Variants in PPFIA2 observed in about 807,000 individuals in gnomAD.
The protein encoded by PPFIA2 is liprin-alpha-2.
In PPFIA2, 46 loss-of-function variants were observed where a neutral mutation model predicts 175.5. The observed-to-expected ratio is 0.26, with a 90% CI of 0.21 to 0.34. The LOEUF is 0.34. PPFIA2 is among the 10% of genes least tolerant of loss of function. PPFIA2 has a pLI of 1.00. For missense variants in PPFIA2, 1,179 were observed against 1,506.1 expected (o/e 0.78, Z 3.60); for synonymous variants, 568 against 511.4 (o/e 1.11, Z -1.49).
chr12:81,359,215 G>T (rs1259917766), intron 15 of PPFIA2, among the ~76,000 whole-genome samples: 1 of 151,956 alleles, frequency 6.6e-6, no homozygotes, highest in African/African-American at 2.4e-5. Flanking sequence ...TTATTCTTGT[G>T]AACAAAGACA....
At chr12:81,591,797 A>G (rs2058706626) in intron 4 of PPFIA2, among the ~76,000 whole-genome samples, 1 of 152,218 alleles carries the variant, frequency 6.6e-6, no homozygotes, top group African/African-American at 2.4e-5. Context: ...ATGCCCAGGC[A>G]GAAGTTTTCT....
At chr12:81,429,850 TG>T (rs1355504842) in intron 7 of PPFIA2, among the ~76,000 whole-genome samples, 3 of 152,088 alleles carry the variant, frequency 2.0e-5, no homozygotes, top group Admixed American at 1.3e-4. Context: ...TTTAATTTGC[TG>T]GGGTAACTTA....
At chr12:81,437,276 C>T (rs1307517700) in intron 7 of PPFIA2, among the ~76,000 whole-genome samples, 2 of 152,180 alleles carry the variant, frequency 1.3e-5, no homozygotes, top group African/African-American at 4.8e-5. Flanking sequence ...GTTGCCTAGG[C>T]TGGAGTGCAG....
chr12:81,351,361 C>T (rs1043681017), intron 17 of PPFIA2, among the ~76,000 whole-genome samples: 3 of 151,656 alleles, frequency 2.0e-5, no homozygotes, highest in Admixed American at 2.0e-4. Context: ...AATTTGGTCC[C>T]CATTTACTTA....
intron 6 of PPFIA2, among the ~76,000 whole-genome samples, chr12:81,443,851 T>G (rs1185972555): frequency 8.1e-6 from 1 of 122,710 alleles, no homozygotes; most frequent in Non-Finnish European, 1.8e-5. Flanking sequence ...CTTTCTTTTT[T>G]TTTTTTTTTT....
At chr12:81,741,876 G>A (rs1201072364) in intron 3 of PPFIA2, among the ~76,000 whole-genome samples, 1 of 152,166 alleles carries the variant, frequency 6.6e-6, no homozygotes, top group Non-Finnish European at 1.5e-5. Context: ...GAGAGGTTGG[G>A]TGTATGAGGA....
chr12:81,414,849 C>T (rs930272854), intron 7 of PPFIA2, among the ~76,000 whole-genome samples: 2 of 151,290 alleles, frequency 1.3e-5, no homozygotes, highest in African/African-American at 4.8e-5. Flanking sequence ...GCATTTGTAT[C>T]GCTATTTATT....
At chr12:81,569,256 A>T (rs2071994330) in intron 4 of PPFIA2, among the ~76,000 whole-genome samples, 2 of 152,160 alleles carry the variant, frequency 1.3e-5, no homozygotes, top group Admixed American at 1.3e-4. Context: ...ACCTAGCATT[A>T]GATTTCTTAC....
intron 28 of PPFIA2, among the ~76,000 whole-genome samples, chr12:81,274,398 A>G (rs1016863722): frequency 1.3e-5 from 2 of 152,214 alleles, no homozygotes; most frequent in Non-Finnish European, 2.9e-5. Flanking sequence ...GTGCCCATCA[A>G]AAATTCCATC....
chr12:81,646,039 T>C (rs1167031363), intron 4 of PPFIA2, among the ~76,000 whole-genome samples: 1 of 152,110 alleles, frequency 6.6e-6, no homozygotes, highest in African/African-American at 2.4e-5. Context: ...CAGGCAAAGA[T>C]TGGCTGCACT....
chr12:81,501,491 T>TA (rs1255386527), intron 4 of PPFIA2, among the ~76,000 whole-genome samples: 1 of 152,170 alleles, frequency 6.6e-6, no homozygotes, highest in East Asian at 1.9e-4. Context: ...AGCTCCATGA[T>TA]ACAGGCACTT....
rs568367911 is a variant in PPFIA2, at chr12:81,637,615, T to C, written c.303+39176A>G. 4.0e-3 allele frequency among the ~76,000 whole-genome samples: 608 copies of C among 152,226 alleles called. 3 individuals are homozygous for C. The highest frequency in any genetic ancestry group is 0.014 in the African/African-American group (573 of 41,508). On this transcript the variant is annotated intron_variant, in intron 4 of 32. Coordinates refer to ENST00000549396, the MANE Select transcript of PPFIA2 (RefSeq NM_003625.5). ...TACCTGCCTGATTCCTCTGTTACAC[T>C]ATGAGCCTTCTAAGGGTAGGAATCA...
intron 5 of PPFIA2, among the ~76,000 whole-genome samples, chr12:81,455,894 C>A (rs118184865): frequency 6.6e-6 from 1 of 152,038 alleles, no homozygotes; most frequent in Non-Finnish European, 1.5e-5. Context: ...GCTCACTTAC[C>A]TGGTCTGTAA....
intron 4 of PPFIA2, among the ~76,000 whole-genome samples, chr12:81,616,232 G>A (rs2061416576): frequency 6.6e-6 from 1 of 152,062 alleles, no homozygotes; most frequent in Non-Finnish European, 1.5e-5. Context: ...CATGATGTGA[G>A]CAAGATTGAA....
At chr12:81,719,068 T>A (rs918748928) in intron 3 of PPFIA2, among the ~76,000 whole-genome samples, 2 of 151,666 alleles carry the variant, frequency 1.3e-5, no homozygotes, top group African/African-American at 4.8e-5. Flanking sequence ...TCTTGGAAGA[T>A]AATCATTAAG....
chr12:81,308,141 T>C (rs1360693054), intron 22 of PPFIA2, among the ~76,000 whole-genome samples: 1 of 152,200 alleles, frequency 6.6e-6, no homozygotes, highest in Non-Finnish European at 1.5e-5. Context: ...GTAAGTGCTA[T>C]AATTGAGATA....
intron 4 of PPFIA2, among the ~76,000 whole-genome samples, chr12:81,566,073 G>A (rs1426141147): frequency 6.6e-6 from 1 of 152,062 alleles, no homozygotes; most frequent in Admixed American, 6.5e-5. Flanking sequence ...ACCCTGGATG[G>A]TCCCTCAGGG....
chr12:81,560,140 T>C (rs1370057008), intron 4 of PPFIA2, among the ~76,000 whole-genome samples: 3 of 152,042 alleles, frequency 2.0e-5, no homozygotes, highest in Non-Finnish European at 2.9e-5. Context: ...AAAAGTAAGG[T>C]CCAAATGGTA....
chr12:81,258,914 T>A lies in PPFIA2; in HGVS notation c.*780A>T, dbSNP rs1397172442. 6.6e-6 allele frequency: 1 copy of A among 152,010 alleles called. No homozygotes were observed. The highest frequency in any genetic ancestry group is 1.5e-5 in the Non-Finnish European group (1 of 68,002). 9.4% of individuals were successfully genotyped at this position (152,010 alleles called of 1,614,324 possible). ...ACAAGAGAAGATTATGGTTTTTTAA[T>A]ATAAATTTTTAAATAATTGCTTTTG... On this transcript the variant is annotated 3_prime_UTR_variant, in exon 33 of 33. Transcript: ENST00000549396.
Sources: allele counts gnomAD v4.1 joint callset (sites outside exome capture counted in the v4.1 genomes callset), GRCh38; gene constraint gnomAD v4.1.1; transcripts MANE v1.5; gene names NCBI Gene and HGNC (gene_info 2026-07-23, HGNC 2026-07-21).